The following VPS53 variants were observed in gnomAD, a reference collection of about 807,000 sequenced individuals.
The protein encoded by VPS53 is vacuolar protein sorting-associated protein 53 homolog.
Under a neutral mutation model 107.0 loss-of-function variants are expected in VPS53, and 70 were observed. That is an observed-to-expected ratio of 0.65 (90% CI 0.54 to 0.80). The LOEUF (loss-of-function observed/expected upper bound fraction) is 0.80. VPS53 is among the 30% of genes least tolerant of loss of function. The probability of loss-of-function intolerance (pLI) is 0.00; values close to 1 mark genes in which losing one functional copy is unlikely to be tolerated. For synonymous variants in VPS53, 409 were observed against 393.3 expected, an observed-to-expected ratio of 1.04 and a Z score of -0.47; for missense variants, 917 against 1,049.4, an observed-to-expected ratio of 0.87 and a Z score of 1.74.
At chr17:590,324 C>G (rs1967571916) in intron 12 of VPS53, among the ~76,000 whole-genome samples, 1 of 152,170 alleles carries the variant, frequency 6.6e-6, no homozygotes, top group Non-Finnish European at 1.5e-5. Flanking sequence ...CGTCTGCAAA[C>G]AGGGACAATT....
intron 11 of VPS53, among the ~76,000 whole-genome samples, chr17:617,776 C>G (rs8068448): frequency 2.1e-5 from 2 of 95,276 alleles, no homozygotes; most frequent in Non-Finnish European, 4.6e-5. Context: ...TAATATTTCC[C>G]GGGTAGCTGG....
At chr17:543,565 C>A (rs2151824632) in intron 17 of VPS53, among the ~76,000 whole-genome samples, 1 of 151,776 alleles carries the variant, frequency 6.6e-6, no homozygotes, top group South Asian at 2.1e-4. Context: ...AGACCAACAG[C>A]CCCTGCTAGG....
intron 4 of VPS53, among the ~76,000 whole-genome samples, chr17:692,042 G>C (rs1248953161): frequency 6.6e-6 from 1 of 152,120 alleles, no homozygotes; most frequent in Admixed American, 6.6e-5. Context: ...CTCTTGTTCT[G>C]ATCAAAGAAA....
intron 7 of VPS53, among the ~76,000 whole-genome samples, chr17:640,742 C>A (rs972523941): frequency 1.3e-5 from 2 of 151,898 alleles, no homozygotes; most frequent in Non-Finnish European, 2.9e-5. Context: ...TATTCCACAA[C>A]ACCCATCTTA....
intron 11 of VPS53, among the ~76,000 whole-genome samples, chr17:621,251 G>A (rs145821254): frequency 1.5e-3 from 222 of 152,166 alleles, no homozygotes; most frequent in African/African-American, 4.9e-3. Flanking sequence ...GAGCTGCTGC[G>A]TCCGGCCCCC....
chr17:534,916 T>C (rs1166852198), intron 18 of VPS53, among the ~76,000 whole-genome samples: 1 of 87,708 alleles, frequency 1.1e-5, no homozygotes, highest in Non-Finnish European at 2.4e-5. Context: ...GGACCCTGTA[T>C]CAAAAAAAAA....
intron 12 of VPS53, among the ~76,000 whole-genome samples, chr17:599,018 A>C (rs1441863236): frequency 1.2e-5 from 1 of 86,866 alleles, no homozygotes; most frequent in Non-Finnish European, 2.3e-5. Flanking sequence ...TCAGCCCCCA[A>C]CCCGGCCAGC....
intron 4 of VPS53, among the ~76,000 whole-genome samples, chr17:683,123 GA>G (rs1181765785): frequency 5.3e-5 from 8 of 151,750 alleles, no homozygotes; most frequent in Non-Finnish European, 1.2e-4. Flanking sequence ...ACACAAAGAG[GA>G]AAAAAGAAAA....
At chr17:651,549 C>A (rs1970949551) in intron 7 of VPS53, among the ~76,000 whole-genome samples, 1 of 152,050 alleles carries the variant, frequency 6.6e-6, no homozygotes, top group South Asian at 2.1e-4. Context: ...AGTAATTCTG[C>A]CACTACACTC....
At chr17:593,948 G>A (rs2143003977) in intron 12 of VPS53, among the ~76,000 whole-genome samples, 1 of 152,286 alleles carries the variant, frequency 6.6e-6, no homozygotes, top group Non-Finnish European at 1.5e-5. Context: ...AGAAAATGTG[G>A]CACATATACA....
chr17:623,659 C>T lies in VPS53; in HGVS notation c.990G>A (p.Lys330=), dbSNP rs1314786510. 1 of 1,612,468 alleles carries T rather than the reference C, an allele frequency of 6.2e-7. No homozygotes were observed. The highest frequency in any genetic ancestry group is 1.3e-5 in the African/African-American group (1 of 75,004). Residue 330 remains lysine (K), a synonymous_variant, in exon 11 of 22, where the codon AAG becomes AAA. Coordinates refer to ENST00000437048, the MANE Select transcript of VPS53 (RefSeq NM_001128159.3). ...FCHVTRAELA[K]IMRTRAKEIE... is the part of the protein sequence containing the mutation. ...TTTCCTTCGCTCTGGTACGCATAAT[C>T]TTGGCAAGTTCTGCCCTTCAAAACA...
intron 11 of VPS53, among the ~76,000 whole-genome samples, chr17:623,015 A>G (rs1294102369): frequency 3.9e-5 from 6 of 152,006 alleles, no homozygotes; most frequent in Admixed American, 2.0e-4. Flanking sequence ...CGGAGTGAAA[A>G]TTTGGACCTG....
intron 11 of VPS53, among the ~76,000 whole-genome samples, chr17:617,421 T>G (rs1393492597): frequency 6.6e-6 from 1 of 152,248 alleles, no homozygotes; most frequent in Non-Finnish European, 1.5e-5. Flanking sequence ...TCTGTTTTTT[T>G]GAGACAGTCT....
chr17:667,550 G>C lies in VPS53; in HGVS notation c.286-5655C>G, dbSNP rs1304023712. On this transcript the variant is annotated intron_variant, in intron 4 of 21. Coordinates refer to ENST00000437048, the MANE Select transcript of VPS53 (RefSeq NM_001128159.3). Reference sequence around the variant, plus strand: ...GACTGTTTTAAACATAATGTTCTGGGGGGGGCAATGGGTTAATTACAGAAG... The same window carrying C: ...GACTGTTTTAAACATAATGTTCTGGCGGGGGCAATGGGTTAATTACAGAAG... Among the ~76,000 whole-genome samples the C allele has an allele frequency of 3.0e-4, 27 of 88,768 alleles. 1 individual carries two copies. Among genetic ancestry groups the C allele is most frequent in the African/African-American group, 1.2e-3 (24 of 20,614 alleles). The allele number at this position is 88,768 out of a possible 152,430, so 58.2% of individuals were successfully genotyped here. A position where few individuals can be genotyped will look rare whatever the true frequency, so the allele number is the denominator to read the frequency against.
At chr17:712,215 C>T (rs920119716) in intron 1 of VPS53, among the ~76,000 whole-genome samples, 1 of 132,366 alleles carries the variant, frequency 7.6e-6, no homozygotes, top group African/African-American at 3.0e-5. Context: ...GAGTCTCACT[C>T]TGTCGCTCAG....
chr17:713,880 CAA>C (rs59315713), intron 1 of VPS53, among the ~76,000 whole-genome samples: 15,983 of 138,314 alleles, frequency 0.12, 913 homozygotes, highest in East Asian at 0.22. Flanking sequence ...GTCTTTACCC[CAA>C]AAAAAAAAAA....
intron 7 of VPS53, among the ~76,000 whole-genome samples, chr17:642,451 C>A (rs1219295820): frequency 1.4e-4 from 17 of 117,982 alleles, no homozygotes; most frequent in African/African-American, 4.8e-4. Context: ...TCATACTTGG[C>A]AACTGAGGAC....
rs1300786333 is a variant in VPS53, at chr17:512,754, GCTA to G, written c.*6371_*6373del. 1.3e-5 allele frequency: 2 copies of G among 152,170 alleles called. No homozygotes were observed. The highest frequency in any genetic ancestry group is 4.8e-5 in the African/African-American group (2 of 41,426). The allele number at this position is 152,170 out of a possible 1,614,324, so 9.4% of individuals were successfully genotyped here. On this transcript the variant is annotated 3_prime_UTR_variant, in exon 22 of 22. Coordinates refer to ENST00000437048, the MANE Select transcript of VPS53 (RefSeq NM_001128159.3). Reference sequence around the variant, plus strand: ...TTTTCATGGCAAAAACGTCCAACCAGCTACTAAGGAAACAGGATGGACTCATGC... The same window carrying G: ...TTTTCATGGCAAAAACGTCCAACCAGCTAAGGAAACAGGATGGACTCATGC...
chr17:597,630 C>T (rs12937650), intron 12 of VPS53, among the ~76,000 whole-genome samples: 20,182 of 152,090 alleles, frequency 0.13, 1,773 homozygotes, highest in South Asian at 0.24. Flanking sequence ...GTAACCTCCG[C>T]CTCCCAAGTT....
Sources: gnomAD v4.1 joint callset for allele counts (sites outside exome capture counted in the v4.1 genomes callset) on GRCh38, gnomAD v4.1.1 for gene constraint, MANE v1.5 for transcripts, NCBI Gene and HGNC (gene_info 2026-07-23, HGNC 2026-07-21) for gene names.